The following ZNF423 variants were observed in gnomAD, a reference collection of about 807,000 sequenced individuals.
ZNF423 encodes zinc finger protein 423, also known as Ebf-associated zinc finger protein.
In ZNF423, 12 loss-of-function variants were observed where a neutral mutation model predicts 95.8. That is an observed-to-expected ratio of 0.13 (90% CI 0.08 to 0.20). The LOEUF is 0.20. ZNF423 is among the 10% of genes least tolerant of loss of function. The pLI is 1.00. For missense variants in ZNF423, 1,316 were observed against 1,737.1 expected (o/e 0.76, Z 4.31); for synonymous variants, 749 against 711.9 (o/e 1.05, Z -0.83).
intron 7 of ZNF423, chr16:49,517,802 T>C (rs947272705): frequency 1.1e-5 from 4 of 364,852 alleles, no homozygotes; most frequent in East Asian, 7.5e-5. Flanking sequence ...TTGTTGTTCC[T>C]GCTGCTGTCT....
intron 1 of ZNF423, among the ~76,000 whole-genome samples, chr16:49,815,343 G>C (rs2034820477): frequency 6.6e-6 from 1 of 152,148 alleles, no homozygotes; most frequent in Non-Finnish European, 1.5e-5. Flanking sequence ...GTCAGGACAG[G>C]AAGTTATCTG....
Position 49,731,297 on chromosome 16 carries a change from C to T in ZNF423, c.101-326G>A, listed in dbSNP as rs941355636. On this transcript the variant is annotated intron_variant, in intron 2 of 7. Transcript: ENST00000563137. ...CCTAAAAACCAGATTCAGTTACACA[C>T]CTTTTTAAAGCCTCCATCAGCTGTT... 3.0e-6 allele frequency: 3 copies of T among 985,040 alleles called. No individual in the cohort carries two copies. In the South Asian group the frequency reaches 1.4e-4, roughly 46 times the overall value. 61.0% of individuals were successfully genotyped at this position (985,040 alleles called of 1,614,324 possible).
intron 3 of ZNF423, among the ~76,000 whole-genome samples, chr16:49,715,182 G>A (rs886549247): frequency 6.6e-6 from 1 of 152,172 alleles, no homozygotes; most frequent in Non-Finnish European, 1.5e-5. Flanking sequence ...GGTCACCTTC[G>A]AGTGGCAGAG....
chr16:49,629,216 T>A (rs748114030), intron 4 of ZNF423, among the ~76,000 whole-genome samples: 1 of 152,180 alleles, frequency 6.6e-6, no homozygotes, highest in Non-Finnish European at 1.5e-5. Context: ...CCTACCTGTG[T>A]CTTTATATTT....
Position 49,638,173 on chromosome 16 carries a change from T to C in ZNF423, c.1003A>G (p.Met335Val). The change falls in exon 4 of 8, where the codon ATG becomes GTG. Residue 335 changes from methionine to valine, a missense_variant. This residue lies in a region of ZNF423 where 399 missense variants were observed against 478.5 expected (regional missense o/e 0.83). Transcript: ENST00000563137. This position sits in a 1 kb window ranked among gnomAD's most constrained non-coding sequence, Gnocchi z 5.6. ...ACTGAGGAGAACTGCTCAGGGCACA[T>C]GGGGCACTTGTGTTTCTGGTTGGCG... ...AHANQKHKCPMCPEQFSSVEG... is the reference protein window; with the variant it reads ...AHANQKHKCPVCPEQFSSVEG... 6.2e-7 allele frequency: 1 copy of C among 1,609,000 alleles called. No individual in the cohort carries two copies. Among genetic ancestry groups the C allele is most frequent in the Non-Finnish European group, 8.5e-7 (1 of 1,179,980 alleles).
At chr16:49,588,780 T>G (rs1970919018) in intron 5 of ZNF423, among the ~76,000 whole-genome samples, 1 of 152,230 alleles carries the variant, frequency 6.6e-6, no homozygotes, top group African/African-American at 2.4e-5. Flanking sequence ...CAAGAATATT[T>G]GATAGGAAAA....
chr16:49,840,615 T>G (rs2035172730), intron 1 of ZNF423, among the ~76,000 whole-genome samples: 1 of 152,218 alleles, frequency 6.6e-6, no homozygotes, highest in Admixed American at 6.5e-5. Context: ...GAAGAGTCTC[T>G]TTGCCCTGGA....
At chr16:49,553,633 C>T (rs769175439) in intron 5 of ZNF423, among the ~76,000 whole-genome samples, 1 of 151,702 alleles carries the variant, frequency 6.6e-6, no homozygotes, top group African/African-American at 2.4e-5. Flanking sequence ...AGGCATGTGT[C>T]GCCGAGCCTG....
intron 2 of ZNF423, among the ~76,000 whole-genome samples, chr16:49,780,140 G>A (rs539105979): frequency 2.6e-5 from 4 of 152,324 alleles, no homozygotes; most frequent in Admixed American, 6.5e-5. Flanking sequence ...CACTGCACAC[G>A]TGTTCATTTC....
At chr16:49,763,422 A>G (rs897289195) in intron 2 of ZNF423, among the ~76,000 whole-genome samples, 3 of 152,054 alleles carry the variant, frequency 2.0e-5, no homozygotes, top group Non-Finnish European at 2.9e-5. Context: ...CTACAGGTAC[A>G]TGCCACCACA....
intron 3 of ZNF423, among the ~76,000 whole-genome samples, chr16:49,643,678 A>G (rs1973060697): frequency 1.3e-5 from 2 of 151,756 alleles, no homozygotes. Context: ...AACAAAAATG[A>G]GTTAAAAAAA....
chr16:49,844,282 T>C (rs2035220621), intron 1 of ZNF423, among the ~76,000 whole-genome samples: 3 of 152,082 alleles, frequency 2.0e-5, no homozygotes, highest in Admixed American at 1.3e-4. Flanking sequence ...ATCCAAACTT[T>C]AAGAAAATAA....
chr16:49,744,589 G>GA (rs1383688703), intron 2 of ZNF423, among the ~76,000 whole-genome samples: 1 of 146,178 alleles, frequency 6.8e-6, no homozygotes, highest in Non-Finnish European at 1.5e-5. Context: ...TCAGGGTTTT[G>GA]ATGGGGACTG....
intron 3 of ZNF423, among the ~76,000 whole-genome samples, chr16:49,695,871 C>T (rs753506917): frequency 1.3e-5 from 2 of 152,238 alleles, no homozygotes; most frequent in Non-Finnish European, 2.9e-5. Flanking sequence ...GTGCCAGCCA[C>T]ACTCCAAGCT....
intron 3 of ZNF423, among the ~76,000 whole-genome samples, chr16:49,679,761 C>T (rs376421494): frequency 4.6e-5 from 7 of 152,256 alleles, no homozygotes; most frequent in East Asian, 1.9e-4. Context: ...TGAAGCCCCA[C>T]GTTCTAGCCA....
chr16:49,617,100 C>A (rs1971903012), intron 5 of ZNF423, among the ~76,000 whole-genome samples: 1 of 152,180 alleles, frequency 6.6e-6, no homozygotes, highest in Non-Finnish European at 1.5e-5. Context: ...TGCTGGGGGG[C>A]AGACACCCAG....
intron 2 of ZNF423, among the ~76,000 whole-genome samples, chr16:49,776,997 T>C (rs535062647): frequency 6.6e-6 from 1 of 152,380 alleles, no homozygotes; most frequent in African/African-American, 2.4e-5. Flanking sequence ...TGTATGTGCA[T>C]GCATTTGTAA....
At chr16:49,533,779 T>G (rs1336912604) in intron 5 of ZNF423, among the ~76,000 whole-genome samples, 3 of 152,224 alleles carry the variant, frequency 2.0e-5, no homozygotes, top group Non-Finnish European at 4.4e-5. Context: ...CTTCCCTCTG[T>G]GTCTCAGTCT....
At chr16:49,567,511 C>A (rs1970229933) in intron 5 of ZNF423, among the ~76,000 whole-genome samples, 1 of 152,158 alleles carries the variant, frequency 6.6e-6, no homozygotes. Flanking sequence ...CCCAGTCAGA[C>A]CCAGCCCTGC....
Sources: gnomAD v4.1 joint callset for allele counts (sites outside exome capture counted in the v4.1 genomes callset) on GRCh38, gnomAD v4.1.1 for gene constraint, gnomAD v4.1.1 regional missense constraint, Gnocchi (gnomAD v3.1) non-coding constraint, MANE v1.5 for transcripts, NCBI Gene and HGNC (gene_info 2026-07-23, HGNC 2026-07-21) for gene names.